Variants in PCBP2 observed in about 807,000 individuals in gnomAD.
PCBP2 encodes the protein poly(rC)-binding protein 2.
A neutral mutation model predicts 50.1 loss-of-function variants in PCBP2; 4 were observed. The observed-to-expected ratio is 0.08, with a 90% confidence interval of 0.04 to 0.18. The LOEUF (loss-of-function observed/expected upper bound fraction) is 0.18. Among genes scored for constraint, PCBP2 ranks in the 10% least tolerant of loss-of-function variants. PCBP2 has a pLI of 1.00. For missense variants in PCBP2, 161 were observed against 474.3 expected, an observed-to-expected ratio of 0.34 and a Z score of 6.14; for synonymous variants, 179 against 168.0, an observed-to-expected ratio of 1.07 and a Z score of -0.51.
At chr12:53,464,999 T>A in intron 9 of PCBP2, 147 bp downstream of exon 9, 1 of 998,148 alleles carries the variant, frequency 1.0e-6, no homozygotes, top group Non-Finnish European at 1.3e-6. Context: ...CCCCCCAACC[T>A]CATTTCACCC....
chr12:53,481,121 A>ATG lies in PCBP2; in HGVS notation c.*1680_*1681insGT. On this transcript the variant is annotated 3_prime_UTR_variant, in exon 15 of 15. Coordinates refer to ENST00000546463, the MANE Select transcript of PCBP2 (RefSeq NM_031989.5). ...GATTATGTGGCGCATATATATATAT[A>ATG]TATGTATATATATATAATTTATATA... The ATG allele has an allele frequency of 3.3e-6, 2 of 612,632 alleles. No homozygotes were observed. Among genetic ancestry groups the ATG allele is most frequent in the Non-Finnish European group, 4.5e-6 (2 of 449,094 alleles). 37.9% of individuals were successfully genotyped at this position (612,632 alleles called of 1,614,324 possible). A position where few individuals can be genotyped will look rare whatever the true frequency, so the allele number is the denominator to read the frequency against.
chr12:53,469,599 C>G (rs1426439966), intron 13 of PCBP2, among the ~76,000 whole-genome samples: 1 of 151,960 alleles, frequency 6.6e-6, no homozygotes, highest in African/African-American at 2.4e-5. Flanking sequence ...GGTGTTGCAT[C>G]TCTGTAATCC....
chr12:53,460,850 A>G (rs1340531221), intron 6 of PCBP2, 165 bp from the exon 7 acceptor site: 6 of 651,998 alleles, frequency 9.2e-6, no homozygotes, highest in African/African-American at 3.7e-5. Flanking sequence ...CTAATTCACT[A>G]AACAGTCCTA....
At chr12:53,467,347 G>A in intron 11 of PCBP2, 54 bp downstream of exon 11, 1 of 1,363,468 alleles carries the variant, frequency 7.3e-7, no homozygotes, top group Non-Finnish European at 1.1e-6. Flanking sequence ...AGAGAGGCCA[G>A]TCCCAAGGTC....
intron 14 of PCBP2, among the ~76,000 whole-genome samples, chr12:53,478,913 C>T (rs1454040141): frequency 6.6e-6 from 1 of 151,928 alleles, no homozygotes; most frequent in Non-Finnish European, 1.5e-5. Flanking sequence ...TCATAATACC[C>T]TACACATTGA....
chr12:53,472,004 T>TAG (rs552301223), intron 14 of PCBP2, among the ~76,000 whole-genome samples, 197 bp downstream of exon 14: 2 of 130,830 alleles, frequency 1.5e-5, no homozygotes, highest in South Asian at 5.3e-4. Context: ...AAGGGGTTGG[T>TAG]GGGGGGGGGA....
rs1942983997 is a variant in PCBP2 at position 53,480,588 on chromosome 12, T to TA, written c.*1149dup. On this transcript the variant is annotated 3_prime_UTR_variant, in exon 15 of 15. Coordinates refer to ENST00000546463, the MANE Select transcript of PCBP2 (RefSeq NM_031989.5). ...AGGCACCAGGATAAAAGCAGGGACT[T>TA]AAACAGCACCCCGGTTCTTCAGCCT... is the stretch of plus-strand genomic sequence containing the variant. The TA allele has an allele frequency of 6.6e-6, 1 of 152,636 alleles. No homozygotes were observed. Among genetic ancestry groups the TA allele is most frequent in the East Asian group, 1.9e-4 (1 of 5,190 alleles). The allele number at this position is 152,636 out of a possible 1,614,324, so 9.5% of individuals were successfully genotyped here. A position where few individuals can be genotyped will look rare whatever the true frequency, so the allele number is the denominator to read the frequency against.
In PCBP2 at chr12:53,454,710, C is replaced by T. The variant is rs1286612603; in HGVS notation, c.-75-16C>T. On this transcript the variant is annotated splice_polypyrimidine_tract_variant and intron_variant, in intron 1 of 14. Transcript: ENST00000546463. ...GTTGTTTTCCTCCTCTGATTTTGGT[C>T]ATGTTTGCATTTTAGTTTTTGGCTT... 3.3e-6 allele frequency: 3 copies of T among 915,726 alleles called. No homozygotes were observed. The highest frequency in any genetic ancestry group is 3.6e-6 in the Non-Finnish European group (2 of 554,874). The allele number at this position is 915,726 out of a possible 1,614,324, so 56.7% of individuals were successfully genotyped here.
At chr12:53,453,344 C>T (rs972611570) in intron 1 of PCBP2, 1 of 152,002 alleles carries the variant, frequency 6.6e-6, no homozygotes, top group Non-Finnish European at 1.5e-5. Flanking sequence ...GTCATTCTTA[C>T]AGACCTAACG....
intron 13 of PCBP2, among the ~76,000 whole-genome samples, chr12:53,470,598 CAAG>C (rs1942155545): frequency 6.6e-6 from 1 of 151,596 alleles, no homozygotes; most frequent in Non-Finnish European, 1.5e-5. Context: ...TTTGTAAAGA[CAAG>C]AGTTTCGCCA....
chr12:53,455,301 A>G (rs1018670724), intron 2 of PCBP2, 46 bp from the exon 3 acceptor site: 10 of 1,555,744 alleles, frequency 6.4e-6, no homozygotes, highest in East Asian at 2.3e-5. Flanking sequence ...TTAAAAAGGA[A>G]TACTTCTGAG....
intron 8 of PCBP2, among the ~76,000 whole-genome samples, chr12:53,463,158 T>C (rs1019346825): frequency 2.0e-5 from 3 of 152,078 alleles, no homozygotes; most frequent in African/African-American, 7.2e-5. Context: ...GGGGTGAGCA[T>C]GTTGGGCTGT....
chr12:53,455,833 A>T (rs887495605), intron 4 of PCBP2, 52 bp from the exon 5 acceptor site: 2 of 1,205,124 alleles, frequency 1.7e-6, no homozygotes, highest in Admixed American at 1.7e-5. Flanking sequence ...GATCCTGTAC[A>T]TACTCAGATC....
At chr12:53,463,148 G>T (rs182428310) in intron 8 of PCBP2, among the ~76,000 whole-genome samples, 55 of 152,270 alleles carry the variant, frequency 3.6e-4, no homozygotes, top group African/African-American at 1.3e-3. Context: ...GAATAGAAGG[G>T]GGGTGAGCAT....
rs144646651 is a variant in PCBP2, at chr12:53,468,814, A to G, written c.864A>G (p.Glu288=). ...LDASAQTTSH[E]LTIPNDLIGC... ...CATCTGCTCAGACTACTTCTCATGA[A>G]CTCACCATTCCAAACGATGTAAGTG... The change falls in exon 13 of 15, where the codon GAA becomes GAG. Residue 288 remains glutamate, a synonymous_variant. Coordinates refer to ENST00000546463, the MANE Select transcript of PCBP2 (RefSeq NM_031989.5). 7.4e-5 allele frequency: 119 copies of G among 1,613,364 alleles called. No individual in the cohort carries two copies. The African/African-American group carries it at 1.3e-3, about 18-fold the overall frequency.
chr12:53,466,742 T>A (rs1941852104), intron 10 of PCBP2, among the ~76,000 whole-genome samples: 2 of 152,118 alleles, frequency 1.3e-5, no homozygotes, highest in Admixed American at 1.3e-4. Flanking sequence ...GTGATGGGAC[T>A]AAACCCAGTA....
At position 53,459,419 on chromosome 12, in the gene PCBP2, C is replaced by T. The variant is rs376140562; in HGVS notation, c.375+16C>T. 43 of 1,601,674 alleles carry T rather than the reference C, an allele frequency of 2.7e-5. No homozygotes were observed. Among genetic ancestry groups the T allele is most frequent in the Admixed American group, 5.1e-5 (3 of 58,556 alleles). Reference sequence around the variant, plus strand: ...AATACGAGAGGTTAGTGACTTTTGTCGTCCTTTTAGAAATGTTAACTATTT... The same window carrying T: ...AATACGAGAGGTTAGTGACTTTTGTTGTCCTTTTAGAAATGTTAACTATTT... On this transcript the variant is annotated intron_variant, in intron 6 of 14. Transcript: ENST00000546463.
Position 53,464,770 on chromosome 12 carries a change from G to A in PCBP2, c.590G>A (p.Ser197Asn), listed in dbSNP as rs780712413. The A allele has an allele frequency of 9.3e-6, 15 of 1,612,232 alleles. No homozygotes were observed. Among genetic ancestry groups the A allele is most frequent in the South Asian group, 7.7e-5 (7 of 90,792 alleles). Residue 197 changes from serine to asparagine, a missense_variant, in exon 9 of 15, where the codon AGC becomes AAC. Physicochemically the swap from Ser to Asn is conservative, Grantham distance 46 (BLOSUM62 1). This residue lies in a region of PCBP2 where 35 missense variants were observed against 45.5 expected (regional missense o/e 0.77). Transcript: ENST00000546463. ...VIFAGGQDRY[S>N]TGSDSASFPH... Reference sequence around the variant, plus strand: ...TCTATTTATCCACAGGACAGGTACAGCACAGGCAGCGACAGTGCGAGCTTT... The same window carrying A: ...TCTATTTATCCACAGGACAGGTACAACACAGGCAGCGACAGTGCGAGCTTT...
At chr12:53,459,918 A>ACC (rs1461823900) in intron 6 of PCBP2, 2 of 447,122 alleles carry the variant, frequency 4.5e-6, no homozygotes, top group Non-Finnish European at 4.5e-6. Context: ...CCACCACCAC[A>ACC]CCCAAATTTT....
Sources: allele counts gnomAD v4.1 joint callset (sites outside exome capture counted in the v4.1 genomes callset), GRCh38; gene constraint gnomAD v4.1.1; regional missense constraint gnomAD v4.1.1; transcripts MANE v1.5; gene names NCBI Gene and HGNC (gene_info 2026-07-23, HGNC 2026-07-21).